Variants in ABCB1 observed in about 807,000 individuals in gnomAD.
ABCB1 encodes ATP-dependent translocase ABCB1.
ABCB1 carries 69 observed loss-of-function variants against 142.0 expected under a neutral mutation model. That is an observed-to-expected ratio of 0.49 (90% CI 0.40 to 0.59). The LOEUF (loss-of-function observed/expected upper bound fraction) is 0.59, where lower values mean the gene tolerates loss of function less well. Ranked by LOEUF, ABCB1 falls within the 20% of genes least tolerant of loss-of-function variation. ABCB1 has a pLI of 0.00. For missense variants in ABCB1, 1,326 were observed against 1,554.7 expected (o/e 0.85, Z 2.47); for synonymous variants, 532 against 539.2 (o/e 0.99, Z 0.18).
intron 21 of ABCB1, chr7:87,522,453 G>A: frequency 1.7e-6 from 1 of 579,572 alleles, no homozygotes; most frequent in South Asian, 1.4e-5. Flanking sequence ...GGAGATAAGA[G>A]CCAGAGAAGT....
At chr7:87,554,899 G>C (rs1421070587) in intron 8 of ABCB1, among the ~76,000 whole-genome samples, 1 of 152,136 alleles carries the variant, frequency 6.6e-6, no homozygotes, top group Non-Finnish European at 1.5e-5. Flanking sequence ...ATAGGAAATT[G>C]TACAAAAGGG....
chr7:87,703,885 C>CTTTTTTTTTTTT, intron 1 of ABCB1, among the ~76,000 whole-genome samples: 103 of 60,270 alleles, frequency 1.7e-3, no homozygotes, highest in East Asian at 3.6e-3. Context: ...TCAGTTTTTT[C>CTTTTTTTTTTTT]TTTTTTTTTT....
At chr7:87,533,868 T>A (rs901637247) in intron 20 of ABCB1, among the ~76,000 whole-genome samples, 2 of 152,328 alleles carry the variant, frequency 1.3e-5, no homozygotes, top group African/African-American at 4.8e-5. Flanking sequence ...TCTTCCCTGG[T>A]CTTTCCTTTT....
In ABCB1 at chr7:87,519,318, A is replaced by G; in HGVS notation, c.2927+8T>C. ...TAGAGCTTAACTAAATAATAGCCCA[A>G]TACTTACAACAGAACATCCTCAAAG... On this transcript the variant is annotated splice_region_variant and intron_variant, in intron 23 of 27. Transcript: ENST00000622132. 6.2e-7 allele frequency: 1 copy of G among 1,613,670 alleles called. No individual in the cohort carries two copies. The highest frequency in any genetic ancestry group is 8.5e-7 in the Non-Finnish European group (1 of 1,179,624).
chr7:87,528,313 T>C (rs28681479), intron 21 of ABCB1, among the ~76,000 whole-genome samples: 19,797 of 152,206 alleles, frequency 0.13, 1,372 homozygotes, highest in African/African-American at 0.17. Context: ...TTGATCACTT[T>C]TAACTTTTTT....
At chr7:87,548,229 AGG>A (rs1816892016) in intron 14 of ABCB1, among the ~76,000 whole-genome samples, 1 of 93,572 alleles carries the variant, frequency 1.1e-5, no homozygotes, top group East Asian at 3.1e-4. Flanking sequence ...GGGAAGGGAA[AGG>A]AAGGGAAGGG....
At chr7:87,628,808 C>G in intron 1 of ABCB1, 1 of 1,230,304 alleles carries the variant, frequency 8.1e-7, no homozygotes, top group Admixed American at 4.2e-5. Context: ...AAAAGGGGCA[C>G]GGGGGTAAGC....
At chr7:87,640,510 AT>A (rs947026056) in intron 1 of ABCB1, among the ~76,000 whole-genome samples, 37 of 149,534 alleles carry the variant, frequency 2.5e-4, no homozygotes, top group Admixed American at 8.0e-4. Flanking sequence ...CACCCAGCTA[AT>A]TTTTTTTTTA....
At chr7:87,627,275 T>C (rs1480784041) in intron 1 of ABCB1, among the ~76,000 whole-genome samples, 1 of 152,136 alleles carries the variant, frequency 6.6e-6, no homozygotes, top group Non-Finnish European at 1.5e-5. Flanking sequence ...AGGGATAATA[T>C]ATAAGAAAAA....
intron 1 of ABCB1, among the ~76,000 whole-genome samples, chr7:87,611,914 CA>C (rs1450794369): frequency 1.3e-5 from 2 of 152,054 alleles, no homozygotes; most frequent in Non-Finnish European, 2.9e-5. Flanking sequence ...AGAGCAATTG[CA>C]CTGAGCATGC....
chr7:87,516,795 A>T, intron 23 of ABCB1, 130 bp from the exon 24 acceptor site: 1 of 904,712 alleles, frequency 1.1e-6, no homozygotes, highest in Non-Finnish European at 1.6e-6. Context: ...GGAGTGCAGT[A>T]GTGCAATCAG....
chr7:87,595,978 G>A (rs548692708), intron 2 of ABCB1, among the ~76,000 whole-genome samples, 164 bp from the exon 3 acceptor site: 1 of 151,954 alleles, frequency 6.6e-6, no homozygotes, highest in African/African-American at 2.4e-5. Flanking sequence ...CATTTATAAT[G>A]TTTAAATATG....
intron 9 of ABCB1, 37 bp downstream of exon 9, chr7:87,553,724 T>G: frequency 6.3e-7 from 1 of 1,595,290 alleles, no homozygotes; most frequent in Non-Finnish European, 8.6e-7. Context: ...ATTGGCATTT[T>G]ATAATAATGG....
chr7:87,700,924 G>A (rs558028035), intron 1 of ABCB1, among the ~76,000 whole-genome samples: 2 of 152,340 alleles, frequency 1.3e-5, no homozygotes, highest in African/African-American at 4.8e-5. Context: ...ACATCAAACT[G>A]TGCAAGCAGT....
In ABCB1 at chr7:87,678,626, C is replaced by G. The variant is rs558162422; in HGVS notation, c.-331+34535G>C. On this transcript the variant is annotated intron_variant, in intron 1 of 28. Transcript: ENST00000265724. ...AATAGATATGTTAAATATAAATGGC[C>G]TAAGCACTCCAATTAAAAGAGATTT... Among the ~76,000 whole-genome samples, 58 of 151,898 alleles carry G rather than the reference C, an allele frequency of 3.8e-4. No individual in the cohort carries two copies. In the South Asian group the frequency reaches 7.1e-3, roughly 19 times the overall value.
In ABCB1 at chr7:87,515,392, C is replaced by T. The variant is rs200968469; in HGVS notation, c.3121G>A (p.Val1041Ile). Residue 1041 changes from valine to isoleucine, a missense_variant, in exon 25 of 28, where the codon GTA becomes ATA. Coordinates refer to ENST00000622132, the MANE Select transcript of ABCB1 (RefSeq NM_001348946.2). The part of the protein sequence containing the change: ...LEGNVTFGEV[V>I]FNYPTRPDIP... The stretch of plus-strand genomic sequence containing the variant: ...TCCGGTCGGGTGGGATAGTTGAATA[C>T]AACTTCACCAAATGTGACATTTCCT... 24 of 1,614,012 alleles carry T rather than the reference C, an allele frequency of 1.5e-5. No homozygotes were observed. In the Admixed American group the frequency reaches 1.7e-4, roughly 11 times the overall value.
chr7:87,508,139 A>G (rs1312037348), intron 26 of ABCB1, among the ~76,000 whole-genome samples: 2 of 152,148 alleles, frequency 1.3e-5, no homozygotes, highest in African/African-American at 4.8e-5. Context: ...TCTAAAATAA[A>G]GGTTGGAAAA....
intron 1 of ABCB1, among the ~76,000 whole-genome samples, chr7:87,633,818 G>A (rs1821467277): frequency 6.6e-6 from 1 of 152,064 alleles, no homozygotes; most frequent in South Asian, 2.1e-4. Flanking sequence ...TATGTGAAAT[G>A]TTATTGAATA....
At chr7:87,506,770 A>G (rs1251949395) in intron 26 of ABCB1, among the ~76,000 whole-genome samples, 6 of 152,208 alleles carry the variant, frequency 3.9e-5, no homozygotes, top group African/African-American at 1.2e-4. Context: ...AAACAATACT[A>G]TCTTATTATT....
Sources: allele counts gnomAD v4.1 joint callset (sites outside exome capture counted in the v4.1 genomes callset), GRCh38; gene constraint gnomAD v4.1.1; transcripts MANE v1.5; gene names NCBI Gene and HGNC (gene_info 2026-07-23, HGNC 2026-07-21).